The following AKNAD1 variants were observed in gnomAD, a reference collection of about 807,000 sequenced individuals.
AKNAD1 encodes the protein protein AKNAD1.
AKNAD1 carries 67 observed loss-of-function variants against 90.8 expected under a neutral mutation model. The ratio of observed to expected loss-of-function variants is 0.74; its 90% CI spans 0.61 to 0.90. The LOEUF (loss-of-function observed/expected upper bound fraction) is 0.90, where lower values mean the gene tolerates loss of function less well. Among genes scored for constraint, AKNAD1 ranks in the 40% least tolerant of loss-of-function variants. The probability of loss-of-function intolerance (pLI) is 0.00; values close to 1 mark genes in which losing one functional copy is unlikely to be tolerated. For missense variants in AKNAD1, 957 were observed against 975.4 expected (o/e 0.98, Z 0.25); for synonymous variants, 327 against 341.4 (o/e 0.96, Z 0.46).
chr1:108,837,926 A>G (rs1287714605), intron 6 of AKNAD1, among the ~76,000 whole-genome samples: 1 of 152,166 alleles, frequency 6.6e-6, no homozygotes, highest in Non-Finnish European at 1.5e-5. Flanking sequence ...TGTATAAATC[A>G]CTTAGTATTT....
upstream of AKNAD1, chr1:108,857,633 C>T (rs1458331333): frequency 6.6e-6 from 1 of 152,670 alleles, no homozygotes; most frequent in Non-Finnish European, 1.5e-5. Context: ...GTCTCATTCC[C>T]AACACCCTCT....
chr1:108,852,890 TCAACCACAA>T, intron 1 of AKNAD1, 123 bp from the exon 2 acceptor site: 3 of 398,144 alleles, frequency 7.5e-6, no homozygotes, highest in South Asian at 1.0e-4. Context: ...GGCAGGAAGC[TCAACCACAA>T]GCTGACCCAA....
At chr1:108,817,482 C>CT (rs386368009) in intron 14 of AKNAD1, 48,245 of 105,666 alleles carry the variant, frequency 0.46, 10,401 homozygotes, top group East Asian at 0.71. Flanking sequence ...GGCCAACTTT[C>CT]TTTTTTTTTT....
chr1:108,835,088 G>C (rs773887974), intron 7 of AKNAD1, 32 bp from the exon 8 acceptor site: 1 of 1,566,720 alleles, frequency 6.4e-7, no homozygotes, highest in Non-Finnish European at 8.6e-7. Flanking sequence ...ACTTGAATTA[G>C]AGCCACAGTC....
At chr1:108,850,279 G>C (rs9440550) in intron 2 of AKNAD1, among the ~76,000 whole-genome samples, 1 of 152,086 alleles carries the variant, frequency 6.6e-6, no homozygotes, top group Non-Finnish European at 1.5e-5. Flanking sequence ...CTATATGACG[G>C]ATATGAAACC....
intron 9 of AKNAD1, 134 bp from the exon 10 acceptor site, chr1:108,830,784 T>C: frequency 1.3e-6 from 1 of 768,484 alleles, no homozygotes; most frequent in Non-Finnish European, 2.2e-6. Context: ...GCCAAACCTC[T>C]CCTCCAGTTG....
intron 5 of AKNAD1, among the ~76,000 whole-genome samples, chr1:108,847,416 C>T (rs558281351): frequency 3.5e-4 from 53 of 149,628 alleles, no homozygotes; most frequent in African/African-American, 1.1e-3. Flanking sequence ...CCACTGCACT[C>T]TAGCATGAGT....
chr1:108,847,694 T>C (rs929009100), intron 5 of AKNAD1, among the ~76,000 whole-genome samples: 1 of 152,168 alleles, frequency 6.6e-6, no homozygotes, highest in African/African-American at 2.4e-5. Context: ...CCCCTTGGTC[T>C]CCTGCCAAGC....
At chr1:108,823,500 A>C (rs1313537572) in intron 12 of AKNAD1, 23 bp from the exon 13 acceptor site, 1 of 1,611,698 alleles carries the variant, frequency 6.2e-7, no homozygotes, top group Admixed American at 1.7e-5. Context: ...GATTAAAAAT[A>C]CAGTTAATTG....
At chr1:108,816,339 A>G (rs778047628) in intron 15 of AKNAD1, 37 bp from the exon 16 acceptor site, 1 of 1,586,026 alleles carries the variant, frequency 6.3e-7, no homozygotes, top group South Asian at 1.2e-5. Flanking sequence ...AATTACATAA[A>G]CTAACTGCTG....
At chr1:108,853,155 G>A (rs1294029319) in intron 1 of AKNAD1, among the ~76,000 whole-genome samples, 5 of 70,824 alleles carry the variant, frequency 7.1e-5, no homozygotes, top group Non-Finnish European at 1.1e-4. Flanking sequence ...TTTTTGAGAC[G>A]GAGTCTCGCT....
chr1:108,846,339 A>G (rs1055090658), intron 5 of AKNAD1, among the ~76,000 whole-genome samples: 1 of 152,202 alleles, frequency 6.6e-6, no homozygotes, highest in Non-Finnish European at 1.5e-5. Context: ...TCCCGCATCC[A>G]GGCTTCCGAA....
At chr1:108,818,140 G>T (rs1045148469) in intron 14 of AKNAD1, among the ~76,000 whole-genome samples, 6 of 152,158 alleles carry the variant, frequency 3.9e-5, no homozygotes. Context: ...CTTTTCTCAA[G>T]CATGAGCAGT....
At chr1:108,823,747 A>G in intron 11 of AKNAD1, 59 bp from the exon 12 acceptor site, 1 of 1,611,886 alleles carries the variant, frequency 6.2e-7, no homozygotes, top group South Asian at 1.1e-5. Context: ...GTCATAAAAT[A>G]CGGTGTGGAG....
chr1:108,830,505 A>G (rs1227392642), intron 10 of AKNAD1, 54 bp downstream of exon 10: 2 of 1,547,514 alleles, frequency 1.3e-6, no homozygotes, highest in Non-Finnish European at 1.8e-6. Context: ...TGGAGTTACT[A>G]TGCCAGGACT....
chr1:108,819,182 A>G (rs1219532360), intron 14 of AKNAD1, among the ~76,000 whole-genome samples: 1 of 152,172 alleles, frequency 6.6e-6, no homozygotes, highest in African/African-American at 2.4e-5. Flanking sequence ...GTCAAGCTGC[A>G]TCATCTCACC....
chr1:108,824,256 C>T (rs549391539), intron 11 of AKNAD1, among the ~76,000 whole-genome samples: 1 of 152,292 alleles, frequency 6.6e-6, no homozygotes, highest in African/African-American at 2.4e-5. Context: ...GTGGACGGAA[C>T]AGCACTCCAG....
rs1218770056 is a variant in AKNAD1 at position 108,852,438 on chromosome 1, A to G, written c.227T>C (p.Ile76Thr). The change falls in exon 2 of 16, where the codon ATT (isoleucine) becomes ACT (threonine). Residue 76 changes from isoleucine (I) to threonine (T), a missense_variant. Coordinates refer to ENST00000370001, the MANE Select transcript of AKNAD1 (RefSeq NM_152763.5). ...TTTTTTGTTGGCAGCATTTTCAGTA[A>G]TTTTACCCAGGGGTATGGTCACAGC... The part of the protein sequence containing the change: ...NTAVTIPLGK[I>T]TENAANKKDE... The G allele has an allele frequency of 6.2e-7, 1 of 1,613,666 alleles. No individual in the cohort carries two copies. Among genetic ancestry groups the G allele is most frequent in the Non-Finnish European group, 8.5e-7 (1 of 1,179,876 alleles).
chr1:108,816,185 G>A lies in AKNAD1; in HGVS notation c.2497C>T (p.Arg833Ter), dbSNP rs374014795. 22 of 1,603,112 alleles carry A rather than the reference G, an allele frequency of 1.4e-5. No individual in the cohort carries two copies. Among genetic ancestry groups the A allele is most frequent in the South Asian group, 4.6e-5 (4 of 87,828 alleles). ...DLAKAQRWRNRLKY is the reference protein window; with the variant it reads ...DLAKAQRWRN ...CTAGCGTTGAACTAGTATTTCAGTC[G>A]ATTCCTCCACCTCTGTGCTTTAGCA... The change falls in exon 16 of 16, where the codon CGA becomes TGA. Residue 833 changes from arginine to a stop codon, truncating the protein, a stop_gained. Coordinates refer to ENST00000370001, the MANE Select transcript of AKNAD1 (RefSeq NM_152763.5). LOFTEE classifies it high-confidence loss of function.
Sources: gnomAD v4.1 joint callset for allele counts (sites outside exome capture counted in the v4.1 genomes callset) on GRCh38, gnomAD v4.1.1 for gene constraint, MANE v1.5 for transcripts, NCBI Gene and HGNC (gene_info 2026-07-23, HGNC 2026-07-21) for gene names.